The following SLC29A4 variants were observed in gnomAD, a reference collection of about 807,000 sequenced individuals.
SLC29A4 encodes the protein equilibrative nucleoside transporter 4.
A neutral mutation model predicts 43.9 loss-of-function variants in SLC29A4; 36 were observed. The observed-to-expected ratio is 0.82, with a 90% confidence interval of 0.63 to 1.08. SLC29A4 has a LOEUF of 1.08. SLC29A4 is among the 50% of genes least tolerant of loss of function. The pLI, the probability that SLC29A4 is intolerant of heterozygous loss-of-function variation, is 0.00. For synonymous variants in SLC29A4, 491 were observed against 338.0 expected, an observed-to-expected ratio of 1.45 and a Z score of -4.97; for missense variants, 869 against 755.3, an observed-to-expected ratio of 1.15 and a Z score of -1.77.
intron 10 of SLC29A4, among the ~76,000 whole-genome samples, chr7:5,302,209 C>A (rs1185782893): frequency 2.0e-5 from 3 of 152,228 alleles, no homozygotes; most frequent in African/African-American, 7.2e-5. Flanking sequence ...CCTCAGCCTC[C>A]CAAAGTGCTG....
rs760410021 is a variant in SLC29A4 at position 5,296,980 on chromosome 7, C to G, written c.664C>G (p.Leu222Val). 1 of 1,602,120 alleles carries G rather than the reference C, an allele frequency of 6.2e-7. No individual in the cohort carries two copies. The highest frequency in any genetic ancestry group is 8.5e-7 in the Non-Finnish European group (1 of 1,179,358). Residue 222 changes from leucine (L) to valine (V), a missense_variant, in exon 7 of 11, where the codon CTG becomes GTG. Transcript: ENST00000396872. ...MISLSRILTKLLLPDERASTL... is the reference protein window; with the variant it reads ...MISLSRILTKVLLPDERASTL... ...CTCTCTGAGCCGCATCCTCACGAAG[C>G]TGCTGCTGCCCGACGAGCGCGCCAG...
At chr7:5,298,503 G>A (rs1189068642) in intron 7 of SLC29A4, among the ~76,000 whole-genome samples, 1 of 152,136 alleles carries the variant, frequency 6.6e-6, no homozygotes, top group African/African-American at 2.4e-5. Flanking sequence ...TCAGAAGTGT[G>A]AGAGAGAGCC....
intron 3 of SLC29A4, 32 bp from the exon 4 acceptor site, chr7:5,291,092 C>T: frequency 1.2e-6 from 2 of 1,608,878 alleles, no homozygotes; most frequent in Non-Finnish European, 1.7e-6. Flanking sequence ...GTGGGGCCTC[C>T]CTGAGCACCT....
Position 5,304,516 on chromosome 7 carries a change from A to AT in SLC29A4, c.*1587dup, listed in dbSNP as rs1157551537. 2.4e-3 allele frequency: 360 copies of AT among 147,246 alleles called. 2 individuals are homozygous for AT. The highest frequency in any genetic ancestry group is 7.3e-3 in the African/African-American group (293 of 39,886). The allele number at this position is 147,246 out of a possible 1,614,324, so 9.1% of individuals were successfully genotyped here. A position where few individuals can be genotyped will look rare whatever the true frequency, so the allele number is the denominator to read the frequency against. ...CTGTGCCTCATTTCTTTCTTTTTTTATTTTTTTTTTGAGACTGAGTCTTGC... is the reference window on the plus strand; with the variant it reads ...CTGTGCCTCATTTCTTTCTTTTTTTATTTTTTTTTTTGAGACTGAGTCTTGC... On this transcript the variant is annotated 3_prime_UTR_variant, in exon 11 of 11. Transcript: ENST00000396872.
At chr7:5,287,718 A>C in intron 1 of SLC29A4, 91 bp from the exon 2 acceptor site, 1 of 1,313,748 alleles carries the variant, frequency 7.6e-7, no homozygotes, top group Middle Eastern at 2.6e-4. Flanking sequence ...GACATGTGTC[A>C]CTCCAGGTAG....
At position 5,299,027 on chromosome 7, in the gene SLC29A4, A is replaced by C. The variant is rs751485714; in HGVS notation, c.922A>C (p.Lys308Gln). ...APALAPNESP[K>Q]DSPAHEVTGS... Reference sequence around the variant, plus strand: ...GGCCCTGGCCCCCAACGAGTCCCCAAAGGACAGCCCAGCCCACGAGGTGAC... The same window carrying C: ...GGCCCTGGCCCCCAACGAGTCCCCACAGGACAGCCCAGCCCACGAGGTGAC... The change falls in exon 8 of 11, where the codon AAG becomes CAG. Residue 308 changes from lysine to glutamine, a missense_variant. Lys to Gln is a moderately conservative substitution (Grantham distance 53, BLOSUM62 1). Coordinates refer to ENST00000396872, the MANE Select transcript of SLC29A4 (RefSeq NM_153247.4). 6.2e-7 allele frequency: 1 copy of C among 1,611,708 alleles called. No homozygotes were observed. Among genetic ancestry groups the C allele is most frequent in the Non-Finnish European group, 8.5e-7 (1 of 1,179,812 alleles).
At chr7:5,301,119 C>A (rs76087245) in intron 10 of SLC29A4, among the ~76,000 whole-genome samples, 1 of 151,896 alleles carries the variant, frequency 6.6e-6, no homozygotes, top group Non-Finnish European at 1.5e-5. Context: ...AAAAAATTAG[C>A]TGGGTATGGT....
intron 1 of SLC29A4, among the ~76,000 whole-genome samples, chr7:5,284,048 C>T (rs768897284): frequency 7.8e-6 from 1 of 128,900 alleles, no homozygotes; most frequent in Non-Finnish European, 1.7e-5. Flanking sequence ...CCCCCCACCC[C>T]CGACTTGGCC....
intron 1 of SLC29A4, among the ~76,000 whole-genome samples, chr7:5,283,691 C>A (rs891717823): frequency 3.3e-5 from 5 of 152,106 alleles, no homozygotes; most frequent in Admixed American, 6.5e-5. Flanking sequence ...AACCCACCCC[C>A]ACAGGAGTTG....
At position 5,299,145 on chromosome 7, in the gene SLC29A4, C is replaced by A. The variant is rs764281190; in HGVS notation, c.1021+19C>A. On this transcript the variant is annotated intron_variant, in intron 8 of 10. Coordinates refer to ENST00000396872, the MANE Select transcript of SLC29A4 (RefSeq NM_153247.4). ...TTCAGAGGTGAGTGCGGGGAGTCCT[C>A]TGCTGCCCTGGCTCTGGCACCCAGG... 10 of 1,603,356 alleles carry A rather than the reference C, an allele frequency of 6.2e-6. No homozygotes were observed. The African/African-American group carries it at 1.2e-4, about 19-fold the overall frequency.
intron 1 of SLC29A4, among the ~76,000 whole-genome samples, chr7:5,285,579 C>G (rs901504283): frequency 6.6e-6 from 1 of 152,188 alleles, no homozygotes; most frequent in African/African-American, 2.4e-5. Context: ...CATGGGGTCA[C>G]AGGGAGGTGC....
rs2128091962 is a variant in SLC29A4, at chr7:5,299,356, C to T, written c.1138C>T (p.His380Tyr). Residue 380 changes from histidine (H) to tyrosine (Y), a missense_variant, in exon 9 of 11, where the codon CAC becomes TAC. His to Tyr is a moderately conservative substitution (Grantham distance 83). Transcript: ENST00000396872. ...LFPGLESEIR[H>Y]CILGEWLPIL... ...CCCCGGCCTCGAGTCTGAGATCCGC[C>T]ACTGCATCCTGGGCGAGTGGCTGCC... 2 of 1,612,324 alleles carry T rather than the reference C, an allele frequency of 1.2e-6. No individual in the cohort carries two copies. The highest frequency in any genetic ancestry group is 1.7e-6 in the Non-Finnish European group (2 of 1,179,862).
chr7:5,297,420 C>G (rs1047930641), intron 7 of SLC29A4, among the ~76,000 whole-genome samples: 2 of 152,240 alleles, frequency 1.3e-5, no homozygotes, highest in Non-Finnish European at 2.9e-5. Context: ...CCCCACTCCA[C>G]CCGCATCTGT....
intron 10 of SLC29A4, 45 bp from the exon 11 acceptor site, chr7:5,302,752 G>C: frequency 1.3e-6 from 2 of 1,527,484 alleles, no homozygotes; most frequent in Non-Finnish European, 1.8e-6. Context: ...TGGCCACCAG[G>C]TGGCCGCCCT....
rs1288115037 is a variant in SLC29A4 at position 5,304,783 on chromosome 7, TG to T, written c.*1845del. 1 of 152,120 alleles carries T rather than the reference TG, an allele frequency of 6.6e-6. No individual in the cohort carries two copies. 9.4% of individuals were successfully genotyped at this position (152,120 alleles called of 1,614,324 possible). A position where few individuals can be genotyped will look rare whatever the true frequency, so the allele number is the denominator to read the frequency against. ...CCTCCCAAAGTGTTGGGATTACAGG[TG>T]TGAGCCACTGCACCCGTCCTGTGCC... On this transcript the variant is annotated 3_prime_UTR_variant, in exon 11 of 11. Transcript: ENST00000396872.
chr7:5,298,920 G>A (rs368776494), intron 7 of SLC29A4, 68 bp from the exon 8 acceptor site: 1 of 1,550,564 alleles, frequency 6.4e-7, no homozygotes, highest in South Asian at 1.2e-5. Flanking sequence ...GATTGGGCCT[G>A]GATTCCTGGC....
chr7:5,297,103 A>C lies in SLC29A4; in HGVS notation c.787A>C (p.Thr263Pro), dbSNP rs1196222454. 5 of 1,606,944 alleles carry C rather than the reference A, an allele frequency of 3.1e-6. No homozygotes were observed. Among genetic ancestry groups the C allele is most frequent in the Non-Finnish European group, 4.2e-6 (5 of 1,179,526 alleles). ...RRSRFVLFYT[T>P]RPRDSHRGRP... ...CAGCCGCTTCGTGCTCTTCTATACC[A>C]CACGGCCGCGTGACAGCCACCGGGG... Residue 263 changes from threonine to proline, a missense_variant, in exon 7 of 11, where the codon ACA becomes CCA. Transcript: ENST00000396872.
At chr7:5,284,128 G>A (rs1192750813) in intron 1 of SLC29A4, among the ~76,000 whole-genome samples, 1 of 149,758 alleles carries the variant, frequency 6.7e-6, no homozygotes, top group Non-Finnish European at 1.5e-5. Flanking sequence ...GCTCACTCCT[G>A]TAATCTTGGT....
Position 5,298,917 on chromosome 7 carries a change from C to A in SLC29A4, c.883-71C>A, listed in dbSNP as rs1248074363. The A allele has an allele frequency of 5.8e-6, 9 of 1,541,568 alleles. No homozygotes were observed. In the African/African-American group the frequency reaches 1.2e-4, roughly 21 times the overall value. ...CCCCAGTGCGGCTCTTCTGATTGGGCCTGGATTCCTGGCCCGTGTCTCCTG... is the reference window on the plus strand; with the variant it reads ...CCCCAGTGCGGCTCTTCTGATTGGGACTGGATTCCTGGCCCGTGTCTCCTG... On this transcript the variant is annotated intron_variant, in intron 7 of 10. Transcript: ENST00000396872.
Sources: gnomAD v4.1 joint callset for allele counts (sites outside exome capture counted in the v4.1 genomes callset) on GRCh38, gnomAD v4.1.1 for gene constraint, MANE v1.5 for transcripts, NCBI Gene and HGNC (gene_info 2026-07-23, HGNC 2026-07-21) for gene names.